Variants in KCNQ5 observed in about 807,000 individuals in gnomAD.
KCNQ5 encodes the protein potassium voltage-gated channel subfamily Q member 5, also known as potassium voltage-gated channel subfamily KQT member 5.
KCNQ5 carries 30 observed loss-of-function variants against 98.2 expected under a neutral mutation model. The ratio of observed to expected loss-of-function variants is 0.31; its 90% CI spans 0.23 to 0.41. KCNQ5 has a LOEUF of 0.41. Among genes scored for constraint, KCNQ5 ranks in the 10% least tolerant of loss-of-function variants. The pLI is 1.00. For synonymous variants in KCNQ5, 458 were observed against 449.4 expected, an observed-to-expected ratio of 1.02 and a Z score of -0.24; for missense variants, 835 against 1,182.5, an observed-to-expected ratio of 0.71 and a Z score of 4.31.
At chr6:72,919,493 G>A (rs968108925) in intron 1 of KCNQ5, among the ~76,000 whole-genome samples, 4 of 152,114 alleles carry the variant, frequency 2.6e-5, no homozygotes, top group African/African-American at 9.7e-5. Flanking sequence ...AAGTCTATGG[G>A]TTAGATATAG....
At chr6:72,868,871 G>T (rs897048486) in intron 1 of KCNQ5, among the ~76,000 whole-genome samples, 3 of 152,286 alleles carry the variant, frequency 2.0e-5, no homozygotes, top group Non-Finnish European at 4.4e-5. Flanking sequence ...ATAAAGTGGG[G>T]ATGGTTAATG....
chr6:72,674,774 TA>T (rs2154473509), intron 1 of KCNQ5, among the ~76,000 whole-genome samples: 1 of 152,078 alleles, frequency 6.6e-6, no homozygotes, highest in Non-Finnish European at 1.5e-5. Flanking sequence ...TGTCTCTAAA[TA>T]AATAAATAAA....
intron 2 of KCNQ5, among the ~76,000 whole-genome samples, chr6:73,028,720 T>C (rs1481632853): frequency 6.6e-6 from 1 of 152,242 alleles, no homozygotes. Flanking sequence ...TTATTTCTTG[T>C]TAATGTCCTG....
chr6:73,055,718 C>G, intron 3 of KCNQ5: 1 of 1,108,164 alleles, frequency 9.0e-7, no homozygotes, highest in Admixed American at 1.7e-5. Context: ...GCTGAACCTG[C>G]CAACTGGCAT....
intron 1 of KCNQ5, among the ~76,000 whole-genome samples, chr6:72,635,491 AT>A (rs2098923508): frequency 6.6e-6 from 1 of 151,802 alleles, no homozygotes; most frequent in Non-Finnish European, 1.5e-5. Flanking sequence ...TGATTTTTTG[AT>A]TTTTTTCTTC....
At chr6:72,750,990 CA>C (rs1038595168) in intron 1 of KCNQ5, among the ~76,000 whole-genome samples, 55 of 151,664 alleles carry the variant, frequency 3.6e-4, no homozygotes, top group African/African-American at 1.3e-3. Context: ...GATGTTTGCT[CA>C]GATAGAGCTG....
At chr6:73,048,041 G>A (rs533086808) in intron 3 of KCNQ5, among the ~76,000 whole-genome samples, 1 of 152,242 alleles carries the variant, frequency 6.6e-6, no homozygotes, top group Non-Finnish European at 1.5e-5. Context: ...TGGAGAGGCT[G>A]TATGGCACCA....
At chr6:73,125,722 T>A (rs1043814591) in intron 9 of KCNQ5, among the ~76,000 whole-genome samples, 2 of 152,170 alleles carry the variant, frequency 1.3e-5, no homozygotes, top group East Asian at 3.8e-4. Flanking sequence ...CATAAATGCA[T>A]TCGTCTATGA....
At chr6:72,802,244 C>T (rs548753390) in intron 1 of KCNQ5, among the ~76,000 whole-genome samples, 10 of 152,182 alleles carry the variant, frequency 6.6e-5, no homozygotes, top group South Asian at 2.1e-4. Context: ...TTCCATTCTC[C>T]GCATCACTTT....
At chr6:73,024,452 T>G (rs1770782084) in intron 2 of KCNQ5, among the ~76,000 whole-genome samples, 1 of 137,630 alleles carries the variant, frequency 7.3e-6, no homozygotes, top group African/African-American at 2.6e-5. Context: ...GTTTGGGGTT[T>G]GCAGCAGATG....
At chr6:73,096,386 A>G (rs1466185152) in intron 5 of KCNQ5, among the ~76,000 whole-genome samples, 1 of 146,802 alleles carries the variant, frequency 6.8e-6, no homozygotes, top group Non-Finnish European at 1.5e-5. Flanking sequence ...GCAAGGCAGG[A>G]GGGGCAGAAG....
At chr6:73,094,633 C>T (rs1582344299) in intron 5 of KCNQ5, among the ~76,000 whole-genome samples, 1 of 152,258 alleles carries the variant, frequency 6.6e-6, no homozygotes, top group Non-Finnish European at 1.5e-5. Context: ...TGAATTCTCT[C>T]AGAATTTGTC....
intron 11 of KCNQ5, among the ~76,000 whole-genome samples, chr6:73,179,653 A>G (rs955316497): frequency 6.6e-6 from 1 of 152,216 alleles, no homozygotes; most frequent in Admixed American, 6.5e-5. Context: ...CACCCCACAA[A>G]CATAAGATCT....
At chr6:72,790,366 C>T (rs562141493) in intron 1 of KCNQ5, among the ~76,000 whole-genome samples, 1 of 152,206 alleles carries the variant, frequency 6.6e-6, no homozygotes, top group African/African-American at 2.4e-5. Context: ...TCAAGTTGAG[C>T]TACAGATTAA....
intron 1 of KCNQ5, among the ~76,000 whole-genome samples, chr6:72,760,676 A>G (rs1772222599): frequency 6.6e-6 from 1 of 152,072 alleles, no homozygotes. Context: ...AGGGGCGGGT[A>G]TTATTTTTTC....
At chr6:73,187,054 C>T (rs1465758781) in intron 11 of KCNQ5, among the ~76,000 whole-genome samples, 2 of 149,712 alleles carry the variant, frequency 1.3e-5, no homozygotes, top group Non-Finnish European at 3.0e-5. Flanking sequence ...TAATAACCAC[C>T]AAAATTCTTT....
intron 2 of KCNQ5, among the ~76,000 whole-genome samples, chr6:73,028,742 T>G (rs1582218224): frequency 1.3e-5 from 2 of 152,208 alleles, no homozygotes; most frequent in Admixed American, 1.3e-4. Flanking sequence ...AAATTCAATA[T>G]ATGGGTCTAT....
At chr6:72,794,416 G>A (rs1056667798) in intron 1 of KCNQ5, among the ~76,000 whole-genome samples, 6 of 151,910 alleles carry the variant, frequency 3.9e-5, no homozygotes, top group African/African-American at 9.6e-5. Flanking sequence ...ACTTTTTAAA[G>A]TACAGTATGA....
chr6:73,131,272 TAA>T (rs1201326202), intron 9 of KCNQ5, among the ~76,000 whole-genome samples: 1 of 152,180 alleles, frequency 6.6e-6, no homozygotes, highest in Non-Finnish European at 1.5e-5. Flanking sequence ...TTTTTCATAT[TAA>T]GTGTTTTTAT....
Sources: allele counts gnomAD v4.1 joint callset (sites outside exome capture counted in the v4.1 genomes callset), GRCh38; gene constraint gnomAD v4.1.1; transcripts MANE v1.5; gene names NCBI Gene and HGNC (gene_info 2026-07-23, HGNC 2026-07-21).